CCBE1: variants seen among roughly 807,000 people sequenced by gnomAD.
CCBE1 encodes the protein collagen and calcium-binding EGF domain-containing protein 1.
In CCBE1, 37 loss-of-function variants were observed where a neutral mutation model predicts 50.0. The observed-to-expected ratio is 0.74, with a 90% CI of 0.57 to 0.97. The LOEUF (loss-of-function observed/expected upper bound fraction) is 0.97. Ranked by LOEUF, CCBE1 falls within the 50% of genes least tolerant of loss-of-function variation. The pLI is 0.00. For synonymous variants in CCBE1, 234 were observed against 203.7 expected (o/e 1.15, Z -1.27); for missense variants, 538 against 523.8 (o/e 1.03, Z -0.26).
Position 59,536,700 on chromosome 18 carries a change from G to A in CCBE1, c.213-56462C>T, listed in dbSNP as rs146998461. ...TTGACACTAAGTCAAGAAAATAAAG[G>A]AACATTTGGCTGGGCGCAATGGCTG... On this transcript the variant is annotated intron_variant, in intron 2 of 10. Transcript: ENST00000439986. Among the ~76,000 whole-genome samples the A allele has an allele frequency of 1.9e-3, 294 of 152,162 alleles. 13 individuals are homozygous for A. In the East Asian group the frequency reaches 0.052, roughly 27 times the overall value.
At chr18:59,528,539 A>C (rs1174800220) in intron 2 of CCBE1, among the ~76,000 whole-genome samples, 2 of 152,132 alleles carry the variant, frequency 1.3e-5, no homozygotes, top group African/African-American at 2.4e-5. Context: ...TTAAAGGAGA[A>C]GAGGCACTCT....
At chr18:59,463,193 GC>G (rs1303087251) in intron 5 of CCBE1, among the ~76,000 whole-genome samples, 1 of 152,056 alleles carries the variant, frequency 6.6e-6, no homozygotes, top group Non-Finnish European at 1.5e-5. Context: ...ACCCTAGCCT[GC>G]CCCCAGCCCT....
chr18:59,447,080 A>G (rs1422117502), intron 7 of CCBE1, among the ~76,000 whole-genome samples: 1 of 152,204 alleles, frequency 6.6e-6, no homozygotes, highest in Non-Finnish European at 1.5e-5. Flanking sequence ...TTCCTGATGA[A>G]ATGATAGGAT....
intron 2 of CCBE1, among the ~76,000 whole-genome samples, chr18:59,570,246 T>C (rs3133206): frequency 0.56 from 85,093 of 152,008 alleles, 25,416 homozygotes; most frequent in East Asian, 0.77. Context: ...ACCAATGCTG[T>C]CATCAAGCAC....
chr18:59,525,813 T>C (rs533082712), intron 2 of CCBE1, among the ~76,000 whole-genome samples: 3 of 151,704 alleles, frequency 2.0e-5, no homozygotes, highest in African/African-American at 7.2e-5. Context: ...TGCATATGAC[T>C]AGCCAGTTCT....
chr18:59,489,423 A>T lies in CCBE1; in HGVS notation c.213-9185T>A, dbSNP rs188574704. 3.4e-3 allele frequency among the ~76,000 whole-genome samples: 509 copies of T among 151,588 alleles called. 3 individuals carry two copies. Among genetic ancestry groups the T allele is most frequent in the African/African-American group, 0.012 (477 of 41,298 alleles). Reference sequence around the variant, plus strand: ...TTATTTTTCTTCTTTTTATTTATTTATTTTTTTTGAGATGGACTCTCGCTC... The same window carrying T: ...TTATTTTTCTTCTTTTTATTTATTTTTTTTTTTTGAGATGGACTCTCGCTC... On this transcript the variant is annotated intron_variant, in intron 2 of 10. Transcript: ENST00000439986.
chr18:59,458,274 C>A (rs1911298819), intron 5 of CCBE1, among the ~76,000 whole-genome samples: 1 of 152,208 alleles, frequency 6.6e-6, no homozygotes, highest in South Asian at 2.1e-4. Context: ...ATCTATGGAG[C>A]ATCTGCTGTT....
At chr18:59,612,194 G>A (rs2053577535) in intron 2 of CCBE1, among the ~76,000 whole-genome samples, 1 of 151,546 alleles carries the variant, frequency 6.6e-6, no homozygotes, top group Non-Finnish European at 1.5e-5. Context: ...TTTGGCAGAA[G>A]CACTGGCTCT....
chr18:59,691,140 T>C (rs2054725465), intron 2 of CCBE1, among the ~76,000 whole-genome samples: 1 of 152,250 alleles, frequency 6.6e-6, no homozygotes, highest in African/African-American at 2.4e-5. Flanking sequence ...TTAAATCTTA[T>C]TGTTTACTTT....
intron 2 of CCBE1, among the ~76,000 whole-genome samples, chr18:59,682,616 C>T (rs2054605508): frequency 6.6e-6 from 1 of 152,162 alleles, no homozygotes; most frequent in African/African-American, 2.4e-5. Context: ...TGTAAAATGG[C>T]TTAGCACCCT....
At chr18:59,475,731 T>G (rs578251346) in intron 3 of CCBE1, among the ~76,000 whole-genome samples, 1 of 152,292 alleles carries the variant, frequency 6.6e-6, no homozygotes, top group African/African-American at 2.4e-5. Flanking sequence ...TTTATTTATT[T>G]TTTTGAGATG....
At chr18:59,696,480 A>G in intron 2 of CCBE1, 149 bp downstream of exon 2, 2 of 1,516,008 alleles carry the variant, frequency 1.3e-6, no homozygotes, top group Non-Finnish European at 1.8e-6. Flanking sequence ...ACCCTCAAAG[A>G]TTCGCACCGC....
chr18:59,454,246 C>G (rs1911073873), intron 6 of CCBE1, among the ~76,000 whole-genome samples: 1 of 151,938 alleles, frequency 6.6e-6, no homozygotes, highest in Admixed American at 6.6e-5. Context: ...CGATGGCATG[C>G]CTAGAAATTT....
rs1360226070 is a variant in CCBE1, at chr18:59,466,839, G to A, written c.453C>T (p.Ile151=). Residue 151 remains isoleucine, a synonymous_variant, in exon 5 of 11, where the codon ATC becomes ATT. Coordinates refer to ENST00000439986, the MANE Select transcript of CCBE1 (RefSeq NM_133459.4). ...SNGTLCAHIC[I]NTLGSYRCEC... is the part of the protein sequence containing the mutation. Reference sequence around the variant, plus strand: ...CGCAGCGGTAGCTGCCCAAGGTATTGATGCAGATGTGGGCACACAGCGTCC... The same window carrying A: ...CGCAGCGGTAGCTGCCCAAGGTATTAATGCAGATGTGGGCACACAGCGTCC... 1 of 1,613,648 alleles carries A rather than the reference G, an allele frequency of 6.2e-7. No individual in the cohort carries two copies. Among genetic ancestry groups the A allele is most frequent in the Admixed American group, 1.7e-5 (1 of 60,030 alleles).
chr18:59,567,361 T>C (rs1424787781), intron 2 of CCBE1, among the ~76,000 whole-genome samples: 1 of 152,224 alleles, frequency 6.6e-6, no homozygotes, highest in Non-Finnish European at 1.5e-5. Flanking sequence ...CTCAAACTCC[T>C]GACCTCAGGT....
intron 2 of CCBE1, among the ~76,000 whole-genome samples, chr18:59,654,869 G>A (rs567985025): frequency 1.1e-3 from 172 of 150,082 alleles, no homozygotes; most frequent in African/African-American, 3.6e-3. Flanking sequence ...TTGGGAGGCC[G>A]AGGCAGGTGG....
intron 2 of CCBE1, among the ~76,000 whole-genome samples, chr18:59,636,442 A>T (rs1168789452): frequency 1.3e-5 from 2 of 152,226 alleles, no homozygotes; most frequent in Non-Finnish European, 2.9e-5. Context: ...AGGCATCTGG[A>T]GATGAGTTCA....
At chr18:59,616,771 C>A (rs993060416) in intron 2 of CCBE1, among the ~76,000 whole-genome samples, 2 of 152,204 alleles carry the variant, frequency 1.3e-5, no homozygotes, top group African/African-American at 2.4e-5. Context: ...CAAGGAATTT[C>A]ACACAATGGC....
intron 2 of CCBE1, among the ~76,000 whole-genome samples, chr18:59,548,461 G>A (rs1029786252): frequency 6.6e-6 from 1 of 152,204 alleles, no homozygotes; most frequent in Non-Finnish European, 1.5e-5. Context: ...AGGTCATCAG[G>A]ATTCCTTTCA....
Sources: gnomAD v4.1 joint callset for allele counts (sites outside exome capture counted in the v4.1 genomes callset) on GRCh38, gnomAD v4.1.1 for gene constraint, MANE v1.5 for transcripts, NCBI Gene and HGNC (gene_info 2026-07-23, HGNC 2026-07-21) for gene names.